Variants in SHKBP1 observed in about 807,000 individuals in gnomAD.
SHKBP1 encodes the protein SH3KBP1-binding protein 1.
In SHKBP1, 71 loss-of-function variants were observed where a neutral mutation model predicts 83.9. The ratio of observed to expected loss-of-function variants is 0.85; its 90% CI spans 0.70 to 1.03. The LOEUF (loss-of-function observed/expected upper bound fraction) is 1.03, where lower values mean the gene tolerates loss of function less well. Among genes scored for constraint, SHKBP1 ranks in the 50% least tolerant of loss-of-function variants. SHKBP1 has a pLI of 0.00. For synonymous variants in SHKBP1, 371 were observed against 398.0 expected (o/e 0.93, Z 0.81); for missense variants, 824 against 982.4 (o/e 0.84, Z 2.16).
At chr19:40,577,023 G>C (rs1298338143) in intron 1 of SHKBP1, 38 bp downstream of exon 1, 4 of 1,414,316 alleles carry the variant, frequency 2.8e-6, no homozygotes, top group East Asian at 2.4e-5. Context: ...ATCCTCGGGG[G>C]CGGGAAGCGG....
At chr19:40,587,445 G>C (rs2081321501) in intron 13 of SHKBP1, among the ~76,000 whole-genome samples, 1 of 152,058 alleles carries the variant, frequency 6.6e-6, no homozygotes, top group South Asian at 2.1e-4. Context: ...TAAAAAATTA[G>C]CCAGGTGTGG....
chr19:40,588,448 G>C (rs1181494343), intron 13 of SHKBP1, among the ~76,000 whole-genome samples, 176 bp from the exon 14 acceptor site: 4 of 152,198 alleles, frequency 2.6e-5, no homozygotes, highest in Non-Finnish European at 5.9e-5. Flanking sequence ...AGTTTTGGAG[G>C]CAGAGGCAAC....
intron 11 of SHKBP1, 54 bp downstream of exon 11, chr19:40,583,539 A>G (rs1228940379): frequency 6.2e-7 from 1 of 1,610,080 alleles, no homozygotes; most frequent in Non-Finnish European, 8.5e-7. Context: ...GGAGAGGGGA[A>G]GGGAGGGAGA....
intron 4 of SHKBP1, chr19:40,577,884 C>A (rs2081232146): frequency 3.3e-6 from 2 of 598,592 alleles, no homozygotes; most frequent in Admixed American, 3.0e-5. Flanking sequence ...TCTAAAAAAG[C>A]AAACAGGCAA....
chr19:40,581,516 A>G (rs1204430911), intron 9 of SHKBP1, among the ~76,000 whole-genome samples: 2 of 130,100 alleles, frequency 1.5e-5, no homozygotes, highest in Admixed American at 1.6e-4. Context: ...AGAGTGAGAC[A>G]CCATCTCAAA....
At chr19:40,579,570 G>A (rs1411025036) in intron 6 of SHKBP1, among the ~76,000 whole-genome samples, 1 of 152,156 alleles carries the variant, frequency 6.6e-6, no homozygotes, top group African/African-American at 2.4e-5. Context: ...ATGCTGGAGT[G>A]CGAGGATCGC....
At chr19:40,577,008 G>A (rs1293624759) in intron 1 of SHKBP1, 23 bp downstream of exon 1, 3 of 1,477,192 alleles carry the variant, frequency 2.0e-6, no homozygotes, top group African/African-American at 2.8e-5. Context: ...GACTCCTGAG[G>A]TCCCATCCTC....
chr19:40,588,061 G>A (rs911342415), intron 13 of SHKBP1, among the ~76,000 whole-genome samples: 1 of 152,224 alleles, frequency 6.6e-6, no homozygotes, highest in Non-Finnish European at 1.5e-5. Context: ...AACAGAATGA[G>A]CAGTGCAGAT....
chr19:40,582,110 T>TG (rs1326645425), intron 9 of SHKBP1, among the ~76,000 whole-genome samples: 13 of 152,208 alleles, frequency 8.5e-5, no homozygotes, highest in Admixed American at 7.9e-4. Context: ...TTAGTAGAGA[T>TG]GGAGTTTCAT....
At position 40,590,105 on chromosome 19, in the gene SHKBP1, G is replaced by A; in HGVS notation, c.1590-139G>A. ...CAAGAGCTGCTGGACCCTTGGGACTGGAACTCAAAAGCAGGCTAGGGATGG... is the reference window on the plus strand; with the variant it reads ...CAAGAGCTGCTGGACCCTTGGGACTAGAACTCAAAAGCAGGCTAGGGATGG... On this transcript the variant is annotated intron_variant, in intron 15 of 17. Coordinates refer to ENST00000291842, the MANE Select transcript of SHKBP1 (RefSeq NM_138392.4). This position sits in a 1 kb window ranked among gnomAD's most constrained non-coding sequence, Gnocchi z 4.6. 1 of 978,056 alleles carries A rather than the reference G, an allele frequency of 1.0e-6. No homozygotes were observed. Among genetic ancestry groups the A allele is most frequent in the South Asian group, 1.7e-5 (1 of 57,686 alleles). The allele number at this position is 978,056 out of a possible 1,614,324, so 60.6% of individuals were successfully genotyped here. A position where few individuals can be genotyped will look rare whatever the true frequency, so the allele number is the denominator to read the frequency against.
rs2081237282 is a variant in SHKBP1, at chr19:40,578,206, C to T, written c.313C>T (p.Pro105Ser). 2.5e-6 allele frequency: 4 copies of T among 1,614,138 alleles called. No homozygotes were observed. In the East Asian group the frequency reaches 6.7e-5, roughly 27 times the overall value. The change falls in exon 5 of 18, where the codon CCT (proline) becomes TCT (serine). Residue 105 changes from proline (P) to serine (S), a missense_variant. By Grantham distance (74) the Pro-to-Ser change is moderately conservative. This residue lies in a region of SHKBP1 where 355 missense variants were observed against 386.4 expected (regional missense o/e 0.92). Transcript: ENST00000291842. ...LHEAQFYGLT[P>S]LVRRLQLREE... is the part of the protein sequence containing the mutation. ...TGAAGCCCAGTTCTATGGGCTCACT[C>T]CTCTGGGTAAGTGGGAGCCCCCAGC...
chr19:40,576,873 G>A lies in SHKBP1; in HGVS notation c.-27G>A. ...TCCGGGTGCACACCCGGAAGTGGGT[G>A]CGGGCCAGCCGGCTCGCCCGGGGGC... is the stretch of plus-strand genomic sequence containing the variant. On this transcript the variant is annotated 5_prime_UTR_variant, in exon 1 of 18. Coordinates refer to ENST00000291842, the MANE Select transcript of SHKBP1 (RefSeq NM_138392.4). The A allele has an allele frequency of 2.1e-6, 3 of 1,404,288 alleles. No homozygotes were observed. The highest frequency in any genetic ancestry group is 2.1e-4 in the Middle Eastern group (1 of 4,750). The allele number at this position is 1,404,288 out of a possible 1,614,324, so 87.0% of individuals were successfully genotyped here. A position where few individuals can be genotyped will look rare whatever the true frequency, so the allele number is the denominator to read the frequency against.
intron 9 of SHKBP1, 120 bp from the exon 10 acceptor site, chr19:40,582,231 A>G (rs1895547405): frequency 3.8e-6 from 3 of 797,524 alleles, no homozygotes; most frequent in Non-Finnish European, 6.5e-6. Context: ...CCCTGATGGA[A>G]TCTTCTATCC....
Position 40,577,268 on chromosome 19 carries a change from G to A in SHKBP1, c.124G>A (p.Asp42Asn), listed in dbSNP as rs764772269. 53 of 1,613,940 alleles carry A rather than the reference G, an allele frequency of 3.3e-5. No individual in the cohort carries two copies. The highest frequency in any genetic ancestry group is 4.2e-5 in the Non-Finnish European group (50 of 1,180,014). ...TCGCCAGACTCTCACCTGGATCCCA[G>A]ACTCCTTCTTCTCCAGGTGATCGGG... ...TSRQTLTWIP[D>N]SFFSSLLSGR... is the part of the protein sequence containing the mutation. Residue 42 changes from aspartate (D) to asparagine (N), a missense_variant, in exon 2 of 18, where the codon GAC becomes AAC. Coordinates refer to ENST00000291842, the MANE Select transcript of SHKBP1 (RefSeq NM_138392.4).
chr19:40,578,584 A>G (rs766414151), intron 6 of SHKBP1, 42 bp downstream of exon 6: 2 of 1,568,218 alleles, frequency 1.3e-6, no homozygotes, highest in Non-Finnish European at 1.8e-6. Flanking sequence ...GAGGTGGGCC[A>G]AAGACTACAT....
At chr19:40,588,865 C>A in intron 14 of SHKBP1, 86 bp downstream of exon 14, 2 of 1,532,390 alleles carry the variant, frequency 1.3e-6, no homozygotes, top group East Asian at 2.4e-5. Context: ...TTGCGGCCAC[C>A]TGACCCAGGA....
chr19:40,590,883 C>A lies in SHKBP1; in HGVS notation c.1892+30C>A. The A allele has an allele frequency of 6.4e-7, 1 of 1,570,556 alleles. No individual in the cohort carries two copies. On this transcript the variant is annotated intron_variant, in intron 17 of 17. Transcript: ENST00000291842. The surrounding 1 kb of genome is among the most constrained non-coding windows in gnomAD (Gnocchi z 4.6). ...CCACAACTCCACTGCCCCTTCTGTG[C>A]AATGAGGGGAGAGGGGACAGCATGG...
intron 10 of SHKBP1, among the ~76,000 whole-genome samples, chr19:40,582,970 G>A (rs1474972627): frequency 1.3e-5 from 2 of 151,960 alleles, no homozygotes; most frequent in Admixed American, 6.6e-5. Context: ...GGCAGATGGG[G>A]GAACTCAGAG....
At position 40,590,721 on chromosome 19, in the gene SHKBP1, G is replaced by C. The variant is rs765146013; in HGVS notation, c.1769-9G>C. The C allele has an allele frequency of 1.3e-6, 2 of 1,576,126 alleles. No individual in the cohort carries two copies. Among genetic ancestry groups the C allele is most frequent in the Non-Finnish European group, 8.7e-7 (1 of 1,155,720 alleles). On this transcript the variant is annotated splice_polypyrimidine_tract_variant and intron_variant, in intron 16 of 17. Coordinates refer to ENST00000291842, the MANE Select transcript of SHKBP1 (RefSeq NM_138392.4). This position sits in a 1 kb window ranked among gnomAD's most constrained non-coding sequence, Gnocchi z 4.6. ...TCTTGCCCCCTGACCCTGCTTCCGTGCCCCCCAGCAGGTGGCCTGACGGAG... is the reference window on the plus strand; with the variant it reads ...TCTTGCCCCCTGACCCTGCTTCCGTCCCCCCCAGCAGGTGGCCTGACGGAG...
Sources: gnomAD v4.1 joint callset for allele counts (sites outside exome capture counted in the v4.1 genomes callset) on GRCh38, gnomAD v4.1.1 for gene constraint, gnomAD v4.1.1 regional missense constraint, Gnocchi (gnomAD v3.1) non-coding constraint, MANE v1.5 for transcripts, NCBI Gene and HGNC (gene_info 2026-07-23, HGNC 2026-07-21) for gene names.